SSBP2: variants seen among roughly 807,000 people sequenced by gnomAD.
SSBP2 encodes the protein single stranded DNA binding protein 2.
SSBP2 carries 17 observed loss-of-function variants against 61.8 expected under a neutral mutation model. The ratio of observed to expected loss-of-function variants is 0.28; its 90% confidence interval spans 0.19 to 0.41. The LOEUF (loss-of-function observed/expected upper bound fraction) is 0.41. Ranked by LOEUF, SSBP2 falls within the 10% of genes least tolerant of loss-of-function variation. The pLI is 1.00. For missense variants in SSBP2, 310 were observed against 458.7 expected (o/e 0.68, Z 2.96); for synonymous variants, 139 against 141.3 (o/e 0.98, Z 0.12).
At chr5:81,517,351 C>T (rs908610936) in intron 4 of SSBP2, among the ~76,000 whole-genome samples, 1 of 150,522 alleles carries the variant, frequency 6.6e-6, no homozygotes, top group Non-Finnish European at 1.5e-5. Flanking sequence ...TTTACTTAGC[C>T]ATCTGTCCTA....
chr5:81,672,456 A>C (rs1751647541), intron 1 of SSBP2, among the ~76,000 whole-genome samples: 2 of 152,224 alleles, frequency 1.3e-5, no homozygotes, highest in South Asian at 4.1e-4. Flanking sequence ...TAAATGTTTA[A>C]GATGATCTCC....
chr5:81,592,646 C>T (rs181716861), intron 4 of SSBP2, among the ~76,000 whole-genome samples: 124 of 152,312 alleles, frequency 8.1e-4, no homozygotes, highest in African/African-American at 2.8e-3. Flanking sequence ...GACAAAACTT[C>T]CAGAGGAACC....
intron 5 of SSBP2, among the ~76,000 whole-genome samples, chr5:81,506,530 A>G (rs1768194874): frequency 6.6e-6 from 1 of 152,160 alleles, no homozygotes; most frequent in South Asian, 2.1e-4. Context: ...TAAGAGGGAA[A>G]GGGAGTTTCT....
intron 1 of SSBP2, among the ~76,000 whole-genome samples, chr5:81,676,739 A>T (rs1190301720): frequency 1.3e-5 from 2 of 152,166 alleles, no homozygotes; most frequent in Non-Finnish European, 2.9e-5. Flanking sequence ...TATAGAAATT[A>T]CGCAAATAAA....
intron 1 of SSBP2, among the ~76,000 whole-genome samples, chr5:81,662,912 C>T (rs1355103337): frequency 6.6e-6 from 1 of 152,212 alleles, no homozygotes; most frequent in Non-Finnish European, 1.5e-5. Flanking sequence ...CAGGTATCAT[C>T]TAACAGTACT....
chr5:81,646,877 G>T (rs1042631220), intron 2 of SSBP2, among the ~76,000 whole-genome samples: 5 of 151,868 alleles, frequency 3.3e-5, no homozygotes, highest in African/African-American at 7.3e-5. Context: ...GTGGAGAGGG[G>T]AGGAGAGTTT....
At chr5:81,584,242 T>A (rs947444702) in intron 4 of SSBP2, among the ~76,000 whole-genome samples, 1 of 152,178 alleles carries the variant, frequency 6.6e-6, no homozygotes, top group Non-Finnish European at 1.5e-5. Flanking sequence ...TATTATCAGA[T>A]AATTATACTT....
intron 1 of SSBP2, among the ~76,000 whole-genome samples, chr5:81,683,201 A>T (rs971104199): frequency 1.3e-5 from 2 of 152,162 alleles, no homozygotes; most frequent in African/African-American, 2.4e-5. Flanking sequence ...CAGAATAACC[A>T]ACAATACTGA....
At chr5:81,525,593 T>C (rs1769867036) in intron 4 of SSBP2, among the ~76,000 whole-genome samples, 1 of 152,040 alleles carries the variant, frequency 6.6e-6, no homozygotes, top group Admixed American at 6.6e-5. Flanking sequence ...TTGGATTCCC[T>C]TGATATCAAC....
intron 5 of SSBP2, among the ~76,000 whole-genome samples, chr5:81,501,847 G>A (rs967562221): frequency 1.1e-4 from 17 of 151,996 alleles, no homozygotes; most frequent in African/African-American, 4.1e-4. Flanking sequence ...ACAGACGTGA[G>A]CCACTGCGCC....
Position 81,415,643 on chromosome 5 carries a change from T to C in SSBP2, c.*4861A>G, listed in dbSNP as rs1761275364. On this transcript the variant is annotated 3_prime_UTR_variant, in exon 17 of 17. Coordinates refer to ENST00000320672, the MANE Select transcript of SSBP2 (RefSeq NM_012446.5). Reference sequence around the variant, plus strand: ...AAAGGAAAACCTGGGCCAGGTACGGTGGCTCATGCCTGTAATCCCAACACT... The same window carrying C: ...AAAGGAAAACCTGGGCCAGGTACGGCGGCTCATGCCTGTAATCCCAACACT... The C allele has an allele frequency of 6.6e-6, 1 of 151,572 alleles. No homozygotes were observed. The highest frequency in any genetic ancestry group is 1.5e-5 in the Non-Finnish European group (1 of 68,048). The allele number at this position is 151,572 out of a possible 1,614,324, so 9.4% of individuals were successfully genotyped here.
At chr5:81,739,269 T>A (rs1756845151) in intron 1 of SSBP2, among the ~76,000 whole-genome samples, 1 of 151,570 alleles carries the variant, frequency 6.6e-6, no homozygotes, top group Admixed American at 6.6e-5. Context: ...GCCAGATTTA[T>A]CCCTACCAAC....
intron 1 of SSBP2, among the ~76,000 whole-genome samples, chr5:81,655,461 T>C (rs1258633966): frequency 6.6e-6 from 1 of 152,222 alleles, no homozygotes; most frequent in African/African-American, 2.4e-5. Flanking sequence ...CAATGATTAA[T>C]GGATCATACA....
At chr5:81,646,293 C>T (rs550783736) in intron 2 of SSBP2, among the ~76,000 whole-genome samples, 1 of 152,084 alleles carries the variant, frequency 6.6e-6, no homozygotes, top group Non-Finnish European at 1.5e-5. Flanking sequence ...TCTCCTTGAA[C>T]CAGGGTGAGA....
chr5:81,596,013 A>C (rs1743707345), intron 4 of SSBP2, among the ~76,000 whole-genome samples: 1 of 152,170 alleles, frequency 6.6e-6, no homozygotes, highest in East Asian at 1.9e-4. Context: ...GAAGGAAATA[A>C]AGGGTATTCA....
intron 4 of SSBP2, among the ~76,000 whole-genome samples, chr5:81,528,937 A>G (rs1770170487): frequency 1.3e-5 from 2 of 152,100 alleles, no homozygotes; most frequent in African/African-American, 4.8e-5. Context: ...GACCTCCTAG[A>G]AACTGATTTA....
intron 12 of SSBP2, among the ~76,000 whole-genome samples, chr5:81,444,354 A>G (rs1376382258): frequency 1.3e-5 from 2 of 152,114 alleles, no homozygotes; most frequent in African/African-American, 4.8e-5. Flanking sequence ...TATGCACTGA[A>G]ATTCTACTCA....
intron 4 of SSBP2, among the ~76,000 whole-genome samples, chr5:81,593,421 A>G (rs553642683): frequency 6.6e-5 from 10 of 152,298 alleles, no homozygotes; most frequent in East Asian, 3.9e-4. Context: ...CACTCTGCAG[A>G]ATATTATCCA....
chr5:81,723,935 CTTTGCTGAGGTGCCACT>C (rs1755709328), intron 1 of SSBP2, among the ~76,000 whole-genome samples: 1 of 151,968 alleles, frequency 6.6e-6, no homozygotes, highest in Non-Finnish European at 1.5e-5. Flanking sequence ...TTCTATGCTT[CTTTGCTGAGGTGCCACT>C]TGCGCTACCA....
Sources: allele counts gnomAD v4.1 joint callset (sites outside exome capture counted in the v4.1 genomes callset), GRCh38; gene constraint gnomAD v4.1.1; transcripts MANE v1.5; gene names NCBI Gene and HGNC (gene_info 2026-07-23, HGNC 2026-07-21).